DEFB110: variants seen among roughly 807,000 people sequenced by gnomAD.
DEFB110 encodes the protein beta-defensin 110.
A neutral mutation model predicts 2.5 loss-of-function variants in DEFB110; 4 were observed. The observed-to-expected ratio is 1.60, with a 90% CI of 0.79 to 3.66. The LOEUF (loss-of-function observed/expected upper bound fraction) is 3.66, where lower values mean the gene tolerates loss of function less well. Ranked by LOEUF, DEFB110 falls within the 30% of genes most tolerant of loss-of-function variation. The pLI is 0.01. For synonymous variants in DEFB110, 29 were observed against 21.8 expected (o/e 1.33, Z -0.92); for missense variants, 94 against 75.4 (o/e 1.25, Z -0.91).
chr6:50,021,592 T>C (rs1199357957), intron 1 of DEFB110, among the ~76,000 whole-genome samples: 1 of 152,346 alleles, frequency 6.6e-6, no homozygotes, highest in East Asian at 1.9e-4. Context: ...CTTCCACTTA[T>C]GTTATATATT....
chr6:50,019,090 A>C lies in DEFB110; in HGVS notation c.91T>G (p.Leu31Val). ...TTACCTATTCTGCACTCTCTCCTCA[A>C]GTCCAAGCTACCATACTCAGGATAT... Reference protein sequence around the residue: ...KKYPEYGSLDLRRECRIGNGQ... With the variant: ...KKYPEYGSLDVRRECRIGNGQ... The change falls in exon 2 of 2, where the codon TTG (leucine) becomes GTG (valine). Residue 31 changes from leucine to valine, a missense_variant. Coordinates refer to ENST00000371148, the MANE Select transcript of DEFB110 (RefSeq NM_001037497.2). The C allele has an allele frequency of 6.2e-7, 1 of 1,613,020 alleles. No homozygotes were observed. Among genetic ancestry groups the C allele is most frequent in the Non-Finnish European group, 8.5e-7 (1 of 1,179,318 alleles).
At chr6:50,019,273 G>A in intron 1 of DEFB110, 148 bp from the exon 2 acceptor site, 2 of 779,352 alleles carry the variant, frequency 2.6e-6, no homozygotes, top group Non-Finnish European at 4.0e-6. Flanking sequence ...ACTGTCCCTT[G>A]GTACAAGCTA....
downstream of DEFB110, among the ~76,000 whole-genome samples, chr6:50,014,240 CAT>C (rs949614258): frequency 1.3e-5 from 2 of 151,732 alleles, no homozygotes; most frequent in African/African-American, 4.8e-5. Flanking sequence ...TTTAGGAAAA[CAT>C]ATATAACATG....
At chr6:50,012,880 G>A (rs1184006807) in intron 1 of DEFB110, among the ~76,000 whole-genome samples, 2 of 151,646 alleles carry the variant, frequency 1.3e-5, no homozygotes, top group East Asian at 3.9e-4. Flanking sequence ...GGGAGATGAT[G>A]ACATAGATGA....
intron 1 of DEFB110, among the ~76,000 whole-genome samples, chr6:50,019,801 T>C (rs770912665): frequency 7.2e-5 from 11 of 152,088 alleles, no homozygotes; most frequent in Non-Finnish European, 1.6e-4. Context: ...TTCTGTCAAT[T>C]ACTGTGTGTA....
intron 1 of DEFB110, among the ~76,000 whole-genome samples, chr6:50,012,891 G>GA (rs903675647): frequency 4.6e-5 from 7 of 151,136 alleles, no homozygotes; most frequent in South Asian, 4.2e-4. Flanking sequence ...ACATAGATGA[G>GA]AAAAAAAATG....
chr6:50,013,176 A>C (rs1398992900), intron 1 of DEFB110, among the ~76,000 whole-genome samples: 3 of 151,816 alleles, frequency 2.0e-5, no homozygotes, highest in Non-Finnish European at 1.5e-5. Flanking sequence ...AAGGTTTCAG[A>C]GGGAGTAGGA....
At chr6:50,009,409 G>T in intron 1 of DEFB110, 1 of 843,300 alleles carries the variant, frequency 1.2e-6, no homozygotes, top group Non-Finnish European at 1.8e-6. Flanking sequence ...AAGTTGTTTT[G>T]TAGCAGAATT....
At chr6:50,013,548 T>C (rs1774267177) in intron 1 of DEFB110, among the ~76,000 whole-genome samples, 1 of 151,874 alleles carries the variant, frequency 6.6e-6, no homozygotes, top group South Asian at 2.1e-4. Context: ...TCAATTTTTT[T>C]TCTCTTTTAA....
downstream of DEFB110, among the ~76,000 whole-genome samples, chr6:50,014,764 T>C (rs149798464): frequency 6.6e-6 from 1 of 151,830 alleles, no homozygotes; most frequent in East Asian, 1.9e-4. Context: ...TTCCTGAGAC[T>C]CTCCACAGAC....
chr6:50,011,082 T>C (rs1225433273), intron 1 of DEFB110, among the ~76,000 whole-genome samples: 1 of 151,774 alleles, frequency 6.6e-6, no homozygotes, highest in East Asian at 1.9e-4. Flanking sequence ...TGGCTCACTA[T>C]AGAATCAAAG....
intron 1 of DEFB110, among the ~76,000 whole-genome samples, chr6:50,011,204 T>C (rs1281904328): frequency 1.3e-5 from 2 of 151,490 alleles, no homozygotes; most frequent in Non-Finnish European, 2.9e-5. Context: ...TATATATCAA[T>C]ATATAAAAAC....
Position 50,018,931 on chromosome 6 carries a change from G to A in DEFB110, c.*46C>T, listed in dbSNP as rs13437462. 4,380 of 1,574,624 alleles carry A rather than the reference G, an allele frequency of 2.8e-3. 113 individuals are homozygous for A. The African/African-American group carries it at 0.053, about 19-fold the overall frequency. Reference sequence around the variant, plus strand: ...GGATGTGCTGGGAAAACTTAATAACGCTGGTCTCTCTTCTTGGAGCTTGTG... The same window carrying A: ...GGATGTGCTGGGAAAACTTAATAACACTGGTCTCTCTTCTTGGAGCTTGTG... On this transcript the variant is annotated 3_prime_UTR_variant, in exon 2 of 2. Transcript: ENST00000371148.
chr6:50,016,410 T>A (rs1429654196), downstream of DEFB110, among the ~76,000 whole-genome samples: 1 of 151,770 alleles, frequency 6.6e-6, no homozygotes, highest in East Asian at 1.9e-4. Flanking sequence ...TTGTGGGCCA[T>A]AGGAGGGAAA....
rs1228253398 is a variant in DEFB110, at chr6:50,019,007, T to C, written c.174A>G (p.Arg58=). 1 of 1,612,886 alleles carries C rather than the reference T, an allele frequency of 6.2e-7. No homozygotes were observed. Among genetic ancestry groups the C allele is most frequent in the Non-Finnish European group, 8.5e-7 (1 of 1,179,288 alleles). ...ENEIRIAYCI[R]PGTHCCLQQ ...GCTGCAAGCAGCAATGAGTTCCAGG[T>C]CTTATGCAGTAAGCAATCCTAATTT... Residue 58 remains arginine (R), a synonymous_variant, in exon 2 of 2, where the codon AGA becomes AGG. Coordinates refer to ENST00000371148, the MANE Select transcript of DEFB110 (RefSeq NM_001037497.2).
At chr6:50,010,915 A>G (rs1774216364) in intron 1 of DEFB110, among the ~76,000 whole-genome samples, 1 of 151,728 alleles carries the variant, frequency 6.6e-6, no homozygotes, top group Non-Finnish European at 1.5e-5. Context: ...CATAGAAATA[A>G]TAGTAATATT....
At position 50,021,884 on chromosome 6, in the gene DEFB110, G is replaced by A. The variant is rs199802995; in HGVS notation, c.52C>T (p.Pro18Ser). The change falls in exon 1 of 2, where the codon CCA becomes TCA. Residue 18 changes from proline (P) to serine (S), a missense_variant. Pro to Ser is a moderately conservative substitution (Grantham distance 74, BLOSUM62 -1). Transcript: ENST00000371148. ...CCCACAAATATTTGCATATTACCTGGTAAAATTGTGACCCAAAAGTGCAGA... is the reference window on the plus strand; with the variant it reads ...CCCACAAATATTTGCATATTACCTGATAAAATTGTGACCCAAAAGTGCAGA... ...FILHFWVTILPAKKKYPEYGS... is the reference protein window; with the variant it reads ...FILHFWVTILSAKKKYPEYGS... 2.3e-4 allele frequency: 359 copies of A among 1,551,076 alleles called. No individual in the cohort carries two copies. The highest frequency in any genetic ancestry group is 2.9e-4 in the Non-Finnish European group (332 of 1,157,446).
At position 50,021,915 on chromosome 6, in the gene DEFB110, G is replaced by GA; in HGVS notation, c.20dup (p.Phe8LeufsTer18). On this transcript the variant is annotated frameshift_variant, in exon 1 of 2. Coordinates refer to ENST00000371148, the MANE Select transcript of DEFB110 (RefSeq NM_001037497.2). LOFTEE classifies it high-confidence loss of function. Reference sequence around the variant, plus strand: ...TTGTGACCCAAAAGTGCAGAATAAAGAAAAAAAGTTGAATCTTCATGGTAG... The same window carrying GA: ...TTGTGACCCAAAAGTGCAGAATAAAGAAAAAAAAGTTGAATCTTCATGGTAG... 1.9e-6 allele frequency: 3 copies of GA among 1,556,996 alleles called. No homozygotes were observed. The highest frequency in any genetic ancestry group is 2.4e-5 in the East Asian group (1 of 41,406).
At chr6:50,017,634 A>G (rs2113941142), downstream of DEFB110, among the ~76,000 whole-genome samples, 1 of 152,062 alleles carries the variant, frequency 6.6e-6, no homozygotes, top group African/African-American at 2.4e-5. Flanking sequence ...TTGTAAAGAT[A>G]CTTTTGAAGA....
Sources: gnomAD v4.1 joint callset for allele counts (sites outside exome capture counted in the v4.1 genomes callset) on GRCh38, gnomAD v4.1.1 for gene constraint, MANE v1.5 for transcripts, NCBI Gene and HGNC (gene_info 2026-07-23, HGNC 2026-07-21) for gene names.